Variants in CNTNAP5 observed in about 807,000 individuals in gnomAD.
The protein encoded by CNTNAP5 is contactin associated protein family member 5, also known as contactin-associated protein-like 5.
In CNTNAP5, 72 loss-of-function variants were observed where a neutral mutation model predicts 150.2. The ratio of observed to expected loss-of-function variants is 0.48; its 90% confidence interval spans 0.40 to 0.58. The LOEUF (loss-of-function observed/expected upper bound fraction) is 0.58, where lower values mean the gene tolerates loss of function less well. Ranked by LOEUF, CNTNAP5 falls within the 20% of genes least tolerant of loss-of-function variation. The pLI is 0.00. For missense variants in CNTNAP5, 1,636 were observed against 1,626.2 expected, an observed-to-expected ratio of 1.01 and a Z score of -0.10; for synonymous variants, 672 against 619.8, an observed-to-expected ratio of 1.08 and a Z score of -1.25.
intron 11 of CNTNAP5, 94 bp downstream of exon 11, chr2:124,563,417 G>GT: frequency 1.4e-6 from 1 of 724,508 alleles, no homozygotes; most frequent in South Asian, 1.7e-5. Context: ...GGGCAGGCAT[G>GT]TTTTATTCAC....
chr2:124,127,191 G>T (rs984530994), intron 1 of CNTNAP5, among the ~76,000 whole-genome samples: 2 of 152,152 alleles, frequency 1.3e-5, no homozygotes, highest in Non-Finnish European at 2.9e-5. Context: ...TCCTTAAGCT[G>T]ATAAGCAACT....
At chr2:124,625,118 T>C (rs956221613) in intron 12 of CNTNAP5, among the ~76,000 whole-genome samples, 6 of 152,150 alleles carry the variant, frequency 3.9e-5, no homozygotes, top group African/African-American at 1.4e-4. Context: ...AGAATTCCCC[T>C]CTGGCCTGCA....
intron 12 of CNTNAP5, among the ~76,000 whole-genome samples, chr2:124,633,777 G>T (rs1016811212): frequency 6.6e-6 from 1 of 152,156 alleles, no homozygotes; most frequent in Non-Finnish European, 1.5e-5. Flanking sequence ...TTGAAATCTA[G>T]CTGGAGTCTC....
intron 3 of CNTNAP5, among the ~76,000 whole-genome samples, chr2:124,350,114 C>T (rs1199936702): frequency 2.0e-5 from 3 of 151,858 alleles, no homozygotes; most frequent in African/African-American, 4.8e-5. Flanking sequence ...GATCTCTTAA[C>T]CTCGTGATCC....
chr2:124,249,285 G>A (rs1178562306), intron 3 of CNTNAP5, among the ~76,000 whole-genome samples: 2 of 152,070 alleles, frequency 1.3e-5, no homozygotes, highest in South Asian at 4.1e-4. Context: ...CGTCTCTTGT[G>A]GGGAAAATCC....
At chr2:124,460,978 A>G (rs1028408733) in intron 6 of CNTNAP5, among the ~76,000 whole-genome samples, 1 of 152,198 alleles carries the variant, frequency 6.6e-6, no homozygotes, top group African/African-American at 2.4e-5. Context: ...GGAAAATAAC[A>G]AAAATCTCAC....
At chr2:124,083,214 G>A (rs1170692284) in intron 1 of CNTNAP5, among the ~76,000 whole-genome samples, 1 of 152,128 alleles carries the variant, frequency 6.6e-6, no homozygotes, top group Non-Finnish European at 1.5e-5. Context: ...TGGGTGTGGT[G>A]ATGCGTGCCT....
intron 3 of CNTNAP5, among the ~76,000 whole-genome samples, chr2:124,329,876 TGTTTGTTTACA>T (rs1689306658): frequency 6.6e-6 from 1 of 152,166 alleles, no homozygotes; most frequent in Non-Finnish European, 1.5e-5. Context: ...GCTAGTTTTT[TGTTTGTTTACA>T]GTTTAGAAGG....
intron 11 of CNTNAP5, among the ~76,000 whole-genome samples, chr2:124,605,641 C>T (rs577622858): frequency 3.8e-4 from 58 of 151,010 alleles, no homozygotes; most frequent in Non-Finnish European, 7.4e-4. Context: ...ATGGTGAAAC[C>T]CTGTCTCTAC....
chr2:124,304,897 C>T lies in CNTNAP5; in HGVS notation c.381+62504C>T, dbSNP rs189335344. On this transcript the variant is annotated intron_variant, in intron 3 of 23. Coordinates refer to ENST00000682447, the MANE Select transcript of CNTNAP5 (RefSeq NM_001367498.1). ...GGAGGGAATGCACAGCCCTGGCCCC[C>T]AAGGAGTCCTCTAGGGACAGGTAAT... Among the ~76,000 whole-genome samples, 475 of 152,102 alleles carry T rather than the reference C, an allele frequency of 3.1e-3. 4 individuals carry two copies. Among genetic ancestry groups the T allele is most frequent in the African/African-American group, 0.011 (455 of 41,476 alleles).
At chr2:124,232,207 A>T (rs1686640216) in intron 2 of CNTNAP5, among the ~76,000 whole-genome samples, 1 of 152,184 alleles carries the variant, frequency 6.6e-6, no homozygotes, top group African/African-American at 2.4e-5. Flanking sequence ...TAAGAGCATG[A>T]TTATTAGTGA....
chr2:124,299,412 C>G (rs1285542923), intron 3 of CNTNAP5, among the ~76,000 whole-genome samples: 2 of 152,190 alleles, frequency 1.3e-5, no homozygotes, highest in Admixed American at 6.5e-5. Flanking sequence ...TTGTTTAGCT[C>G]CCTCTTATAA....
chr2:124,441,360 T>C (rs1407949438), intron 5 of CNTNAP5, among the ~76,000 whole-genome samples: 3 of 151,752 alleles, frequency 2.0e-5, no homozygotes, highest in Non-Finnish European at 4.4e-5. Flanking sequence ...ATAGTTATGC[T>C]CACCCTAAAA....
At chr2:124,444,095 G>A (rs1027917919) in intron 5 of CNTNAP5, among the ~76,000 whole-genome samples, 4 of 151,946 alleles carry the variant, frequency 2.6e-5, no homozygotes, top group African/African-American at 9.7e-5. Flanking sequence ...TGTGTGTGGG[G>A]TGGCGGTGGT....
chr2:124,062,404 T>C (rs1682036162), intron 1 of CNTNAP5, among the ~76,000 whole-genome samples: 1 of 152,196 alleles, frequency 6.6e-6, no homozygotes, highest in Admixed American at 6.5e-5. Flanking sequence ...ACAATTGTAC[T>C]CAGTTGTTTT....
chr2:124,168,149 T>C (rs544157351), intron 1 of CNTNAP5, among the ~76,000 whole-genome samples: 48 of 152,286 alleles, frequency 3.2e-4, no homozygotes, highest in African/African-American at 1.1e-3. Flanking sequence ...TCCCCTCTCA[T>C]GATTACATTT....
chr2:124,275,942 C>T (rs529001451), intron 3 of CNTNAP5, among the ~76,000 whole-genome samples: 1 of 152,106 alleles, frequency 6.6e-6, no homozygotes, highest in Non-Finnish European at 1.5e-5. Flanking sequence ...AGTTGCCCTG[C>T]CAAGTTTGCT....
intron 3 of CNTNAP5, among the ~76,000 whole-genome samples, chr2:124,297,752 A>T (rs1688471470): frequency 1.3e-5 from 2 of 151,712 alleles, no homozygotes; most frequent in South Asian, 4.2e-4. Flanking sequence ...AACTTCCATT[A>T]TCAGGCTCCT....
rs1319088549 is a variant in CNTNAP5, at chr2:124,647,844, G to C, written c.1963G>C (p.Ala655Pro). ...TAACCCTGAGAAGCCCTATGCCATG[G>C]CCTTGGACTACGGGGGCAGCATGGA... ...GANPEKPYAMALDYGGSMEQL... is the reference protein window; with the variant it reads ...GANPEKPYAMPLDYGGSMEQL... The change falls in exon 13 of 24, where the codon GCC becomes CCC. Residue 655 changes from alanine to proline, a missense_variant. By Grantham distance (27) the Ala-to-Pro change is conservative. Transcript: ENST00000682447. The C allele has an allele frequency of 6.2e-7, 1 of 1,613,518 alleles. No homozygotes were observed. Among genetic ancestry groups the C allele is most frequent in the Non-Finnish European group, 8.5e-7 (1 of 1,179,720 alleles).
Sources: gnomAD v4.1 joint callset for allele counts (sites outside exome capture counted in the v4.1 genomes callset) on GRCh38, gnomAD v4.1.1 for gene constraint, MANE v1.5 for transcripts, NCBI Gene and HGNC (gene_info 2026-07-23, HGNC 2026-07-21) for gene names.